Variants in IL6R observed in about 807,000 individuals in gnomAD.
The protein encoded by IL6R is interleukin 6 receptor.
IL6R carries 38 observed loss-of-function variants against 48.3 expected under a neutral mutation model. The ratio of observed to expected loss-of-function variants is 0.79; its 90% confidence interval spans 0.61 to 1.03. IL6R has a LOEUF of 1.03. Ranked by LOEUF, IL6R falls within the 50% of genes least tolerant of loss-of-function variation. The pLI, the probability that IL6R is intolerant of heterozygous loss-of-function variation, is 0.00. For missense variants in IL6R, 534 were observed against 618.3 expected (o/e 0.86, Z 1.45); for synonymous variants, 264 against 256.2 (o/e 1.03, Z -0.29).
Position 154,429,168 on chromosome 1 carries a change from C to T in IL6R, c.86-28C>T, listed in dbSNP as rs896922982. On this transcript the variant is annotated intron_variant, in intron 1 of 9. Coordinates refer to ENST00000368485, the MANE Select transcript of IL6R (RefSeq NM_000565.4). ...AGCCCCCTTCTTCAGTGGCTGTGGG[C>T]TCACCAAGTGTCTTCTCCCTCCTCC... 3.8e-6 allele frequency: 6 copies of T among 1,595,190 alleles called. No homozygotes were observed. In the Admixed American group the frequency reaches 5.0e-5, roughly 13 times the overall value.
At chr1:154,415,319 G>C (rs1345096509) in intron 1 of IL6R, among the ~76,000 whole-genome samples, 1 of 152,178 alleles carries the variant, frequency 6.6e-6, no homozygotes, top group East Asian at 1.9e-4. Context: ...TTATGGATGA[G>C]GTATGAAGTC....
chr1:154,432,654 G>A (rs893061770), intron 3 of IL6R, among the ~76,000 whole-genome samples: 2 of 152,328 alleles, frequency 1.3e-5, no homozygotes, highest in African/African-American at 2.4e-5. Flanking sequence ...CACCGCGCCC[G>A]GCTTGACTGG....
In IL6R at chr1:154,466,325, TGTC is replaced by T. The variant is rs1222428669; in HGVS notation, c.*946_*948del. On this transcript the variant is annotated 3_prime_UTR_variant, in exon 10 of 10. Transcript: ENST00000368485. ...ACGGTTTTACTGCAGCTTTGTTTGT[TGTC>T]AGCTGAACCTGGGTAACTAGGGAAG... is the stretch of plus-strand genomic sequence containing the variant. The T allele has an allele frequency of 6.6e-6, 1 of 152,226 alleles. No individual in the cohort carries two copies. The highest frequency in any genetic ancestry group is 2.4e-5 in the African/African-American group (1 of 41,452). 9.4% of individuals were successfully genotyped at this position (152,226 alleles called of 1,614,324 possible). A position where few individuals can be genotyped will look rare whatever the true frequency, so the allele number is the denominator to read the frequency against.
intron 3 of IL6R, among the ~76,000 whole-genome samples, chr1:154,431,329 C>G (rs1689282064): frequency 6.6e-6 from 1 of 152,156 alleles, no homozygotes; most frequent in Admixed American, 6.5e-5. Flanking sequence ...TCCCTTAGTC[C>G]AGAGGTTTAC....
intron 1 of IL6R, among the ~76,000 whole-genome samples, chr1:154,407,429 A>T (rs1053987094): frequency 6.6e-6 from 1 of 152,208 alleles, no homozygotes; most frequent in Non-Finnish European, 1.5e-5. Context: ...AGGTGGTCTC[A>T]TGGCCTGAAC....
chr1:154,457,973 T>TTTC (rs1571008315), intron 9 of IL6R, among the ~76,000 whole-genome samples: 2 of 146,780 alleles, frequency 1.4e-5, no homozygotes. Flanking sequence ...TTTTCTTTTT[T>TTTC]TTTTTTTTTT....
intron 1 of IL6R, chr1:154,418,488 G>T (rs376939622): frequency 1.2e-5 from 10 of 830,260 alleles, no homozygotes; most frequent in Middle Eastern, 6.0e-4. Flanking sequence ...ATACATATGT[G>T]GGGGAGGAGG....
intron 9 of IL6R, among the ~76,000 whole-genome samples, chr1:154,459,967 C>T (rs1035456109): frequency 4.6e-5 from 7 of 152,140 alleles, no homozygotes; most frequent in South Asian, 2.1e-4. Context: ...AGCTGGGGGA[C>T]GGGCAGAGGG....
chr1:154,458,963 T>C (rs755153629), intron 9 of IL6R, among the ~76,000 whole-genome samples: 4 of 151,462 alleles, frequency 2.6e-5, no homozygotes, highest in Non-Finnish European at 4.4e-5. Context: ...GCTATTTCTA[T>C]AGGGCCTTAA....
chr1:154,433,789 C>T (rs968457139), intron 3 of IL6R, among the ~76,000 whole-genome samples: 25 of 151,214 alleles, frequency 1.7e-4, no homozygotes, highest in Admixed American at 1.5e-3. Context: ...CAGTCTCTGT[C>T]ACTGCAACAT....
chr1:154,464,608 C>T (rs1691447434), intron 9 of IL6R, among the ~76,000 whole-genome samples: 1 of 152,104 alleles, frequency 6.6e-6, no homozygotes, highest in Non-Finnish European at 1.5e-5. Context: ...CATCTATTTC[C>T]TTGGGAGTGT....
intron 6 of IL6R, among the ~76,000 whole-genome samples, chr1:154,438,256 A>T: frequency 6.7e-6 from 1 of 148,726 alleles, no homozygotes; most frequent in African/African-American, 2.5e-5. Context: ...ATCTATCAAC[A>T]CCCTGCTATG....
chr1:154,454,558 C>A lies in IL6R; in HGVS notation c.1137C>A (p.Leu379=), dbSNP rs746299332. 5.6e-6 allele frequency: 9 copies of A among 1,613,330 alleles called. No individual in the cohort carries two copies. The highest frequency in any genetic ancestry group is 1.3e-5 in the African/African-American group (1 of 75,040). Residue 379 remains leucine (L), a synonymous_variant, in exon 9 of 10, where the codon CTC becomes CTA. Transcript: ENST00000368485. ...GAGGGAGCCTGGCCTTCGGAACGCT[C>A]CTCTGCATTGCCATTGTTCTGAGGT... is the stretch of plus-strand genomic sequence containing the variant. The part of the protein sequence containing the change: ...VAGGSLAFGT[L]LCIAIVLRFK...
At position 154,450,102 on chromosome 1, in the gene IL6R, T is replaced by TTGTGTG; in HGVS notation, c.1066+123_1066+124insGTGTGT. On this transcript the variant is annotated intron_variant, in intron 8 of 9. Coordinates refer to ENST00000368485, the MANE Select transcript of IL6R (RefSeq NM_000565.4). ...CAATCACAGATCAATCGCAGAAATG[T>TTGTGTG]TCTGTGTGTGTGTGTGTGTGTGTGT... is the stretch of plus-strand genomic sequence containing the variant. 9 of 463,486 alleles carry TTGTGTG rather than the reference T, an allele frequency of 1.9e-5. No homozygotes were observed. The East Asian group carries it at 2.4e-4, about 13-fold the overall frequency. The allele number at this position is 463,486 out of a possible 1,614,324, so 28.7% of individuals were successfully genotyped here.
At chr1:154,455,389 C>T (rs922528877) in intron 9 of IL6R, among the ~76,000 whole-genome samples, 30 of 151,634 alleles carry the variant, frequency 2.0e-4, no homozygotes, top group Admixed American at 6.6e-5. Context: ...TAGGCCTTCT[C>T]TTGAGGCTAA....
At chr1:154,429,696 G>T (rs1689183447) in intron 2 of IL6R, among the ~76,000 whole-genome samples, 2 of 152,124 alleles carry the variant, frequency 1.3e-5, no homozygotes, top group African/African-American at 4.8e-5. Flanking sequence ...ATAGCCTGGG[G>T]CCCGGAGTCA....
chr1:154,458,468 C>T (rs1371336772), intron 9 of IL6R, among the ~76,000 whole-genome samples: 2 of 152,212 alleles, frequency 1.3e-5, no homozygotes, highest in Non-Finnish European at 2.9e-5. Flanking sequence ...GGTATACCCT[C>T]CTGTGTTCTG....
intron 6 of IL6R, among the ~76,000 whole-genome samples, chr1:154,442,385 G>A (rs771766323): frequency 6.6e-6 from 1 of 152,216 alleles, no homozygotes; most frequent in Non-Finnish European, 1.5e-5. Context: ...GAGTACAAAG[G>A]CACGGAGCTG....
chr1:154,461,813 TG>T (rs1432515564), intron 9 of IL6R, among the ~76,000 whole-genome samples: 1 of 152,162 alleles, frequency 6.6e-6, no homozygotes, highest in African/African-American at 2.4e-5. Context: ...AATGTTGGAC[TG>T]GGCCAAAGTG....
Sources: gnomAD v4.1 joint callset for allele counts (sites outside exome capture counted in the v4.1 genomes callset) on GRCh38, gnomAD v4.1.1 for gene constraint, MANE v1.5 for transcripts, NCBI Gene and HGNC (gene_info 2026-07-23, HGNC 2026-07-21) for gene names.